Variants in ERG observed in about 807,000 individuals in gnomAD.
The protein encoded by ERG is transcriptional regulator ERG.
Under a neutral mutation model 55.3 loss-of-function variants are expected in ERG, and 9 were observed. That is an observed-to-expected ratio of 0.16 (90% CI 0.10 to 0.28). The LOEUF (loss-of-function observed/expected upper bound fraction) is 0.28, where lower values mean the gene tolerates loss of function less well. ERG is among the 10% of genes least tolerant of loss of function. ERG has a pLI of 1.00. For synonymous variants in ERG, 223 were observed against 237.3 expected (o/e 0.94, Z 0.55); for missense variants, 434 against 631.6 (o/e 0.69, Z 3.35).
At chr21:38,491,545 C>T (rs2059336196) in intron 1 of ERG, among the ~76,000 whole-genome samples, 1 of 152,160 alleles carries the variant, frequency 6.6e-6, no homozygotes, top group Non-Finnish European at 1.5e-5. Context: ...AGTAACAGCC[C>T]TGAGGTTAAT....
At chr21:38,660,755 C>G (rs2060549265) in intron 1 of ERG, 1 of 151,844 alleles carries the variant, frequency 6.6e-6, no homozygotes, top group Non-Finnish European at 1.5e-5. Flanking sequence ...CTTGCGAACC[C>G]GGAGTGCGCG....
intron 1 of ERG, among the ~76,000 whole-genome samples, chr21:38,490,079 CCT>C (rs2059322160): frequency 6.6e-6 from 1 of 152,170 alleles, no homozygotes; most frequent in Non-Finnish European, 1.5e-5. Flanking sequence ...ATTTCCCAGC[CCT>C]GTTTTAAGCA....
intron 1 of ERG, among the ~76,000 whole-genome samples, chr21:38,448,566 CAAAT>C (rs1310417808): frequency 6.6e-6 from 1 of 152,144 alleles, no homozygotes; most frequent in Non-Finnish European, 1.5e-5. Flanking sequence ...GAAAAGGAAA[CAAAT>C]GAATAAAGAA....
chr21:38,428,073 A>G (rs1288776950), intron 2 of ERG, among the ~76,000 whole-genome samples: 1 of 151,796 alleles, frequency 6.6e-6, no homozygotes, highest in African/African-American at 2.4e-5. Context: ...CCAGCTACTC[A>G]GGAGGCTCAG....
intron 2 of ERG, among the ~76,000 whole-genome samples, chr21:38,540,364 G>A (rs899527073): frequency 1.3e-5 from 2 of 152,108 alleles, no homozygotes; most frequent in African/African-American, 2.4e-5. Flanking sequence ...AGGAAACCAC[G>A]TGCTCAGAAG....
chr21:38,536,782 A>G (rs997846283), intron 2 of ERG, among the ~76,000 whole-genome samples: 2 of 152,244 alleles, frequency 1.3e-5, no homozygotes, highest in Admixed American at 1.3e-4. Flanking sequence ...TTGGCTAAAA[A>G]TATTTCAACA....
chr21:38,605,215 T>C (rs2146917748), intron 1 of ERG, among the ~76,000 whole-genome samples: 1 of 152,326 alleles, frequency 6.6e-6, no homozygotes, highest in African/African-American at 2.4e-5. Flanking sequence ...CAAAATTATA[T>C]TAAAAATGTG....
chr21:38,429,306 A>G (rs1989999120), intron 2 of ERG, among the ~76,000 whole-genome samples: 1 of 151,900 alleles, frequency 6.6e-6, no homozygotes, highest in Non-Finnish European at 1.5e-5. Flanking sequence ...ATACATATGT[A>G]TATATGTACA....
At chr21:38,632,402 A>G (rs1275453508) in intron 1 of ERG, among the ~76,000 whole-genome samples, 1 of 152,222 alleles carries the variant, frequency 6.6e-6, no homozygotes, top group Admixed American at 6.5e-5. Context: ...GAGGAGGTAG[A>G]ACCCTTATGC....
At chr21:38,436,268 G>A (rs1324232075) in intron 2 of ERG, among the ~76,000 whole-genome samples, 2 of 152,010 alleles carry the variant, frequency 1.3e-5, no homozygotes, top group African/African-American at 4.8e-5. Context: ...AAATGTGATT[G>A]TTTTGGAAAC....
At chr21:38,599,406 T>G (rs2060150868) in intron 1 of ERG, among the ~76,000 whole-genome samples, 1 of 152,162 alleles carries the variant, frequency 6.6e-6, no homozygotes, top group African/African-American at 2.4e-5. Flanking sequence ...TTCCGCACCC[T>G]CCCATGCATT....
chr21:38,496,232 C>A (rs2059378012), intron 1 of ERG, among the ~76,000 whole-genome samples: 1 of 152,022 alleles, frequency 6.6e-6, no homozygotes, highest in South Asian at 2.1e-4. Flanking sequence ...TGCAGAAAAC[C>A]AACTTAAAAA....
intron 3 of ERG, among the ~76,000 whole-genome samples, chr21:38,404,142 T>C (rs920759798): frequency 3.3e-5 from 5 of 152,074 alleles, no homozygotes; most frequent in Non-Finnish European, 7.4e-5. Flanking sequence ...ATCAGGAAGG[T>C]GCTAATTACA....
intron 2 of ERG, among the ~76,000 whole-genome samples, chr21:38,575,136 TGAGTGTCGGC>T (rs772165889): frequency 3.3e-5 from 5 of 152,160 alleles, no homozygotes. Flanking sequence ...GATGGAGCGC[TGAGTGTCGGC>T]GAGCCCAGAT....
upstream of ERG, among the ~76,000 whole-genome samples, chr21:38,585,277 T>C (rs1161865285): frequency 2.0e-5 from 3 of 152,178 alleles, no homozygotes; most frequent in Non-Finnish European, 2.9e-5. Context: ...ATGGCTTCCC[T>C]AGATCATTCT....
At chr21:38,596,174 A>ACAGCTTTCTT (rs1413427286) in intron 1 of ERG, among the ~76,000 whole-genome samples, 3 of 152,188 alleles carry the variant, frequency 2.0e-5, no homozygotes, top group African/African-American at 4.8e-5. Context: ...TGTCGTGGTA[A>ACAGCTTTCTT]CAGCTTTCTT....
chr21:38,596,637 A>C (rs955519938), intron 1 of ERG, among the ~76,000 whole-genome samples: 2 of 152,204 alleles, frequency 1.3e-5, no homozygotes, highest in Non-Finnish European at 2.9e-5. Flanking sequence ...CATGCAAGCT[A>C]ATATCTGTTG....
downstream of ERG, among the ~76,000 whole-genome samples, chr21:38,376,933 CCTGT>C (rs1030928790): frequency 7.2e-5 from 11 of 152,242 alleles, no homozygotes; most frequent in African/African-American, 2.7e-4. Context: ...CGCTTTGCTT[CCTGT>C]CTGATAACTA....
intron 3 of ERG, among the ~76,000 whole-genome samples, chr21:38,423,057 T>C (rs1028471601): frequency 6.6e-6 from 1 of 151,302 alleles, no homozygotes; most frequent in Admixed American, 6.6e-5. Context: ...CTGGACATCC[T>C]CTTTCTCTCT....
Sources: gnomAD v4.1 joint callset for allele counts (sites outside exome capture counted in the v4.1 genomes callset) on GRCh38, gnomAD v4.1.1 for gene constraint, MANE v1.5 for transcripts, NCBI Gene and HGNC (gene_info 2026-07-23, HGNC 2026-07-21) for gene names.